Variants in ANO6 observed in about 807,000 individuals in gnomAD.
ANO6 encodes anoctamin 6.
Under a neutral mutation model 117.5 loss-of-function variants are expected in ANO6, and 106 were observed. The ratio of observed to expected loss-of-function variants is 0.90; its 90% CI spans 0.77 to 1.06. The LOEUF is 1.06. Ranked by LOEUF, ANO6 falls within the 50% of genes least tolerant of loss-of-function variation. The pLI is 0.00. For missense variants in ANO6, 955 were observed against 1,121.1 expected (o/e 0.85, Z 2.12); for synonymous variants, 367 against 385.1 (o/e 0.95, Z 0.55).
chr12:45,419,677 C>G (rs1180066868), intron 17 of ANO6, among the ~76,000 whole-genome samples: 3 of 152,144 alleles, frequency 2.0e-5, no homozygotes, highest in South Asian at 2.1e-4. Flanking sequence ...GTCTACTTTT[C>G]TGCTTCATCA....
Position 45,404,154 on chromosome 12 carries a change from C to T in ANO6, c.1880+618C>T, listed in dbSNP as rs1459889373. 5.9e-5 allele frequency among the ~76,000 whole-genome samples: 9 copies of T among 152,240 alleles called. No individual in the cohort carries two copies. The South Asian group carries it at 1.9e-3, about 32-fold the overall frequency. ...TTAAGAATAGAGGTTCTTTCATGATCCTAAGGCACTAGGATATATAATGTT... is the reference window on the plus strand; with the variant it reads ...TTAAGAATAGAGGTTCTTTCATGATTCTAAGGCACTAGGATATATAATGTT... On this transcript the variant is annotated intron_variant, in intron 15 of 19. Coordinates refer to ENST00000320560, the MANE Select transcript of ANO6 (RefSeq NM_001025356.3).
rs188765429 is a variant in ANO6, at chr12:45,223,130, G to A, written c.70+6739G>A. ...TATAATAAACTGGTAAACGGGAAGT[G>A]TTTCCCTGAGTTCCCCAAGCCACTA... On this transcript the variant is annotated intron_variant, in intron 1 of 19. Transcript: ENST00000320560. Among the ~76,000 whole-genome samples, 23 of 152,302 alleles carry A rather than the reference G, an allele frequency of 1.5e-4. No individual in the cohort carries two copies. The East Asian group carries it at 2.9e-3, about 19-fold the overall frequency.
At chr12:45,435,713 GAA>G (rs10710532), downstream of ANO6, among the ~76,000 whole-genome samples, 8 of 150,466 alleles carry the variant, frequency 5.3e-5, no homozygotes, top group South Asian at 2.1e-4. Context: ...CAAACTCACT[GAA>G]AAAAAAAAAT....
At chr12:45,343,390 C>T (rs1941036119) in intron 3 of ANO6, among the ~76,000 whole-genome samples, 1 of 152,018 alleles carries the variant, frequency 6.6e-6, no homozygotes, top group South Asian at 2.1e-4. Flanking sequence ...TAGAGGATAC[C>T]AAAGACACAG....
Position 45,432,339 on chromosome 12 carries a change from T to C in ANO6, c.*3028T>C. 1.2e-6 allele frequency: 1 copy of C among 845,354 alleles called. No homozygotes were observed. Among genetic ancestry groups the C allele is most frequent in the Non-Finnish European group, 1.4e-6 (1 of 703,784 alleles). 52.4% of individuals were successfully genotyped at this position (845,354 alleles called of 1,614,324 possible). A position where few individuals can be genotyped will look rare whatever the true frequency, so the allele number is the denominator to read the frequency against. ...TTATGAGCATTTTAATAAATTCATT[T>C]TTACAAACAATAGTATGGTCTATTC... On this transcript the variant is annotated 3_prime_UTR_variant, in exon 20 of 20. Transcript: ENST00000320560.
chr12:45,413,776 A>G (rs2137672817), intron 16 of ANO6, among the ~76,000 whole-genome samples: 1 of 150,584 alleles, frequency 6.6e-6, no homozygotes, highest in East Asian at 2.0e-4. Flanking sequence ...GAGGGGGAAG[A>G]AAGGAAGAGC....
At chr12:45,398,043 T>C (rs11183012) in intron 12 of ANO6, among the ~76,000 whole-genome samples, 22,707 of 152,112 alleles carry the variant, frequency 0.15, 2,327 homozygotes, top group East Asian at 0.46. Context: ...GTTTTCTAAA[T>C]GTACTAGCAA....
intron 1 of ANO6, among the ~76,000 whole-genome samples, chr12:45,299,077 T>G (rs1458840429): frequency 1.3e-5 from 2 of 152,226 alleles, no homozygotes; most frequent in African/African-American, 4.8e-5. Context: ...ATATAATTTT[T>G]TTAACATCTG....
intron 1 of ANO6, among the ~76,000 whole-genome samples, chr12:45,240,335 AG>A (rs1225456352): frequency 7.6e-6 from 1 of 131,436 alleles, no homozygotes; most frequent in Non-Finnish European, 1.6e-5. Flanking sequence ...ATCAGAGACT[AG>A]GATTGCAACC....
At chr12:45,249,574 C>T (rs1396532475) in intron 1 of ANO6, among the ~76,000 whole-genome samples, 1 of 152,062 alleles carries the variant, frequency 6.6e-6, no homozygotes, top group Non-Finnish European at 1.5e-5. Flanking sequence ...CATTTTAAGG[C>T]ATTTGAGGGA....
chr12:45,237,825 T>C (rs190643547), intron 1 of ANO6, among the ~76,000 whole-genome samples: 80 of 152,340 alleles, frequency 5.3e-4, no homozygotes, highest in African/African-American at 1.7e-3. Flanking sequence ...AGTATGGCCG[T>C]TTTCACAATA....
intron 1 of ANO6, among the ~76,000 whole-genome samples, chr12:45,244,410 G>A (rs527716619): frequency 4.7e-5 from 7 of 149,488 alleles, no homozygotes; most frequent in East Asian, 2.0e-4. Context: ...ATTTGGGGGG[G>A]GGGGGTGGTC....
At chr12:45,293,423 G>A (rs1325091196) in intron 1 of ANO6, among the ~76,000 whole-genome samples, 1 of 151,956 alleles carries the variant, frequency 6.6e-6, no homozygotes, top group South Asian at 2.1e-4. Context: ...ATAGTGGTGG[G>A]TAGTTGTCAA....
At chr12:45,379,190 C>T (rs1227476958) in intron 10 of ANO6, among the ~76,000 whole-genome samples, 3 of 152,200 alleles carry the variant, frequency 2.0e-5, no homozygotes, top group African/African-American at 7.2e-5. Flanking sequence ...AAAGACAACA[C>T]GTCAATGTGT....
chr12:45,352,904 TTG>T (rs1941318874), intron 7 of ANO6, among the ~76,000 whole-genome samples: 1 of 152,198 alleles, frequency 6.6e-6, no homozygotes, highest in South Asian at 2.1e-4. Context: ...TGTTTATTTC[TTG>T]TTTTCCTTGC....
Position 45,229,300 on chromosome 12 carries a change from G to A in ANO6, c.70+12909G>A, listed in dbSNP as rs542650816. 3.9e-5 allele frequency among the ~76,000 whole-genome samples: 6 copies of A among 152,020 alleles called. No homozygotes were observed. The East Asian group carries it at 9.6e-4, about 24-fold the overall frequency. On this transcript the variant is annotated intron_variant, in intron 1 of 19. Coordinates refer to ENST00000320560, the MANE Select transcript of ANO6 (RefSeq NM_001025356.3). ...TGTTGAGGAAGAAATGGGCTTCCAC[G>A]CTGGCCTGTGATCCTTTTAATGTTC...
intron 19 of ANO6, among the ~76,000 whole-genome samples, chr12:45,437,956 G>A (rs1259975916): frequency 6.6e-6 from 1 of 152,178 alleles, no homozygotes; most frequent in Non-Finnish European, 1.5e-5. Flanking sequence ...TTACATTTAA[G>A]TTGGCTAGTA....
chr12:45,288,420 C>T (rs1484761781), intron 1 of ANO6, among the ~76,000 whole-genome samples: 2 of 151,468 alleles, frequency 1.3e-5, no homozygotes, highest in Admixed American at 6.6e-5. Context: ...CTTCTCCTGG[C>T]AACCTCCATT....
intron 3 of ANO6, among the ~76,000 whole-genome samples, chr12:45,337,465 T>G (rs1473483884): frequency 1.3e-5 from 2 of 152,100 alleles, no homozygotes; most frequent in Non-Finnish European, 1.5e-5. Flanking sequence ...TATGTTCATA[T>G]GTACACTCTA....
Sources: allele counts gnomAD v4.1 joint callset (sites outside exome capture counted in the v4.1 genomes callset), GRCh38; gene constraint gnomAD v4.1.1; transcripts MANE v1.5; gene names NCBI Gene and HGNC (gene_info 2026-07-23, HGNC 2026-07-21).